The following EPHA10 variants were observed in gnomAD, a reference collection of about 807,000 sequenced individuals.
EPHA10 encodes EPH receptor A10, also known as ephrin type-A receptor 10.
A neutral mutation model predicts 109.7 loss-of-function variants in EPHA10; 120 were observed. The ratio of observed to expected loss-of-function variants is 1.09; its 90% CI spans 0.94 to 1.27. The LOEUF is 1.27. Among genes scored for constraint, EPHA10 ranks in the 50% most tolerant of loss-of-function variants. The pLI, the probability that EPHA10 is intolerant of heterozygous loss-of-function variation, is 0.00. For synonymous variants in EPHA10, 640 were observed against 618.9 expected (o/e 1.03, Z -0.51); for missense variants, 1,396 against 1,411.1 (o/e 0.99, Z 0.17).
chr1:37,722,104 C>A, intron 10 of EPHA10: 1 of 391,366 alleles, frequency 2.6e-6, no homozygotes, highest in South Asian at 4.3e-5. Context: ...GCACTTCAGA[C>A]TGGGTGACAG....
At chr1:37,748,111 C>A (rs1026030949) in intron 5 of EPHA10, among the ~76,000 whole-genome samples, 2 of 152,178 alleles carry the variant, frequency 1.3e-5, no homozygotes, top group Admixed American at 1.3e-4. Context: ...GTAATCCCAG[C>A]ACTTTGGGAA....
In EPHA10 at chr1:37,754,964, CT is replaced by C. The variant is rs1256480145; in HGVS notation, c.851-595del. Among the ~76,000 whole-genome samples, 1 of 151,876 alleles carries C rather than the reference CT, an allele frequency of 6.6e-6. No homozygotes were observed. Among genetic ancestry groups the C allele is most frequent in the Non-Finnish European group, 1.5e-5 (1 of 67,934 alleles). Reference sequence around the variant, plus strand: ...AAGTGTGCACCACCATGCCCAGTTACTTTTTTTGTATTTTTAGTAGAGATGG... The same window carrying C: ...AAGTGTGCACCACCATGCCCAGTTACTTTTTTGTATTTTTAGTAGAGATGG... On this transcript the variant is annotated intron_variant, in intron 3 of 16. Transcript: ENST00000373048. The surrounding 1 kb of genome is among the most constrained non-coding windows in gnomAD (Gnocchi z 4.5).
rs1201352929 is a variant in EPHA10 at position 37,754,718 on chromosome 1, AT to A, written c.851-349del. 2.0e-5 allele frequency among the ~76,000 whole-genome samples: 3 copies of A among 152,092 alleles called. No individual in the cohort carries two copies. Among genetic ancestry groups the A allele is most frequent in the African/African-American group, 7.2e-5 (3 of 41,420 alleles). On this transcript the variant is annotated intron_variant, in intron 3 of 16. Transcript: ENST00000373048. This position sits in a 1 kb window ranked among gnomAD's most constrained non-coding sequence, Gnocchi z 4.5. ...TGGCCAAACCCCGTCTCTATTTATT[AT>A]TTTTTAAATTACGTCTATTAATTCA...
chr1:37,718,162 G>C lies in EPHA10; in HGVS notation c.*210C>G. 1.8e-6 allele frequency: 1 copy of C among 566,194 alleles called. No individual in the cohort carries two copies. Among genetic ancestry groups the C allele is most frequent in the Non-Finnish European group, 3.1e-6 (1 of 319,738 alleles). The allele number at this position is 566,194 out of a possible 1,614,324, so 35.1% of individuals were successfully genotyped here. A position where few individuals can be genotyped will look rare whatever the true frequency, so the allele number is the denominator to read the frequency against. Reference sequence around the variant, plus strand: ...CTAGGGATTTGAACCTCTTTTCAGGGGCACTGAGTTAGCCAAGGCGTTCAG... The same window carrying C: ...CTAGGGATTTGAACCTCTTTTCAGGCGCACTGAGTTAGCCAAGGCGTTCAG... On this transcript the variant is annotated 3_prime_UTR_variant, in exon 17 of 17. Transcript: ENST00000373048.
intron 7 of EPHA10, among the ~76,000 whole-genome samples, chr1:37,729,603 G>T (rs574324695): frequency 6.6e-6 from 1 of 152,188 alleles, no homozygotes; most frequent in African/African-American, 2.4e-5. Context: ...TTGGAAGGCG[G>T]GGGGCAGTGG....
At chr1:37,750,865 G>GA (rs1375303300) in intron 5 of EPHA10, among the ~76,000 whole-genome samples, 8 of 148,046 alleles carry the variant, frequency 5.4e-5, no homozygotes, top group Non-Finnish European at 7.5e-5. Flanking sequence ...CTTTTCCCGG[G>GA]AAAAAAAAAA....
intron 5 of EPHA10, among the ~76,000 whole-genome samples, 195 bp downstream of exon 5, chr1:37,752,681 A>C (rs931112883): frequency 2.0e-5 from 3 of 150,876 alleles, no homozygotes; most frequent in Admixed American, 6.6e-5. Flanking sequence ...CCTCTCGCAC[A>C]CTCGGGAGGG....
chr1:37,756,857 G>C (rs753090879), intron 3 of EPHA10, among the ~76,000 whole-genome samples: 71 of 152,136 alleles, frequency 4.7e-4, no homozygotes, highest in Non-Finnish European at 8.8e-4. Flanking sequence ...ACAGGGTCTT[G>C]CTCTGTTGCC....
In EPHA10 at chr1:37,717,981, G is replaced by C. The variant is rs1645718365; in HGVS notation, c.*391C>G. 3 of 268,740 alleles carry C rather than the reference G, an allele frequency of 1.1e-5. No individual in the cohort carries two copies. The allele number at this position is 268,740 out of a possible 1,614,324, so 16.6% of individuals were successfully genotyped here. On this transcript the variant is annotated 3_prime_UTR_variant, in exon 17 of 17. Coordinates refer to ENST00000373048, the MANE Select transcript of EPHA10 (RefSeq NM_001099439.2). The stretch of plus-strand genomic sequence containing the variant: ...TGGTCAATGGGTCTGTGGGAAAAGG[G>C]AACACCCCACGGGGTAGGCCCCAGC...
Position 37,761,985 on chromosome 1 carries a change from A to G in EPHA10, c.270T>C (p.Thr90=). The part of the protein sequence containing the change: ...LEPNQDNWLQ[T]GWISRGRGQR... ...GCCCGCGGCCACGGCTTATCCAGCCAGTCTGCAGCCAGTTGTCCTGGTTGG... is the reference window on the plus strand; with the variant it reads ...GCCCGCGGCCACGGCTTATCCAGCCGGTCTGCAGCCAGTTGTCCTGGTTGG... Residue 90 remains threonine (T), a synonymous_variant, in exon 3 of 17, where the codon ACT becomes ACC. Coordinates refer to ENST00000373048, the MANE Select transcript of EPHA10 (RefSeq NM_001099439.2). The G allele has an allele frequency of 6.2e-7, 1 of 1,614,222 alleles. No individual in the cohort carries two copies. Among genetic ancestry groups the G allele is most frequent in the South Asian group, 1.1e-5 (1 of 91,088 alleles).
At chr1:37,719,664 G>A (rs1047784760) in intron 14 of EPHA10, 57 bp from the exon 15 acceptor site, 1 of 1,593,106 alleles carries the variant, frequency 6.3e-7, no homozygotes. Flanking sequence ...AGCATATGGT[G>A]TGTGCACACA....
intron 9 of EPHA10, 63 bp from the exon 10 acceptor site, chr1:37,723,229 T>G: frequency 6.2e-7 from 1 of 1,606,084 alleles, no homozygotes; most frequent in Non-Finnish European, 8.5e-7. Flanking sequence ...ACAAGCGGGC[T>G]CATGCAGTGT....
intron 5 of EPHA10, among the ~76,000 whole-genome samples, chr1:37,736,050 A>G (rs1201113681): frequency 2.6e-5 from 4 of 152,258 alleles, no homozygotes; most frequent in Non-Finnish European, 5.9e-5. Context: ...GAAAAGAAGC[A>G]GGAAATTTAT....
chr1:37,722,535 T>A (rs1645815852), intron 10 of EPHA10, among the ~76,000 whole-genome samples: 1 of 152,064 alleles, frequency 6.6e-6, no homozygotes, highest in South Asian at 2.1e-4. Flanking sequence ...GACTGGCCCT[T>A]AGAGAGCAAG....
chr1:37,735,441 G>T, intron 5 of EPHA10, 51 bp from the exon 6 acceptor site: 1 of 1,543,792 alleles, frequency 6.5e-7, no homozygotes, highest in Non-Finnish European at 8.7e-7. Flanking sequence ...TCACGGCAGG[G>T]CTGGGGGTGC....
chr1:37,726,963 T>C (rs931451142), intron 8 of EPHA10, 139 bp downstream of exon 8: 3 of 555,844 alleles, frequency 5.4e-6, no homozygotes, highest in African/African-American at 2.0e-5. Context: ...GGATGATGCA[T>C]GCCTACATTT....
intron 5 of EPHA10, among the ~76,000 whole-genome samples, chr1:37,735,756 C>A (rs1646060619): frequency 6.6e-6 from 1 of 152,042 alleles, no homozygotes. Context: ...CATAAGAGAG[C>A]ATTTAGAGGC....
At chr1:37,727,030 C>A in intron 8 of EPHA10, 72 bp downstream of exon 8, 2 of 1,233,208 alleles carry the variant, frequency 1.6e-6, no homozygotes, top group Middle Eastern at 2.0e-4. Flanking sequence ...GGCAGAGATG[C>A]CTGTGAGCAC....
intron 3 of EPHA10, chr1:37,760,507 C>T: frequency 1.0e-6 from 1 of 992,158 alleles, no homozygotes; most frequent in Non-Finnish European, 1.2e-6. Flanking sequence ...TGCAACTTCC[C>T]AATCCCTCTC....
Sources: allele counts gnomAD v4.1 joint callset (sites outside exome capture counted in the v4.1 genomes callset), GRCh38; gene constraint gnomAD v4.1.1; non-coding constraint Gnocchi (gnomAD v3.1); transcripts MANE v1.5; gene names NCBI Gene and HGNC (gene_info 2026-07-23, HGNC 2026-07-21).